Variants in NKAIN2 observed in about 807,000 individuals in gnomAD.
NKAIN2 encodes sodium/potassium-transporting ATPase subunit beta-1-interacting protein 2.
A neutral mutation model predicts 32.6 loss-of-function variants in NKAIN2; 14 were observed. The ratio of observed to expected loss-of-function variants is 0.43; its 90% CI spans 0.28 to 0.67. NKAIN2 has a LOEUF of 0.67. Ranked by LOEUF, NKAIN2 falls within the 30% of genes least tolerant of loss-of-function variation. The pLI, the probability that NKAIN2 is intolerant of heterozygous loss-of-function variation, is 0.17. For synonymous variants in NKAIN2, 80 were observed against 87.2 expected, an observed-to-expected ratio of 0.92 and a Z score of 0.46; for missense variants, 198 against 258.3, an observed-to-expected ratio of 0.77 and a Z score of 1.60.
At chr6:124,555,518 A>G (rs1780441712) in intron 3 of NKAIN2, among the ~76,000 whole-genome samples, 1 of 152,184 alleles carries the variant, frequency 6.6e-6, no homozygotes, top group Non-Finnish European at 1.5e-5. Flanking sequence ...TTAGAATATC[A>G]TGTTCCCTTA....
intron 1 of NKAIN2, among the ~76,000 whole-genome samples, chr6:124,277,773 AG>A (rs1185846846): frequency 5.9e-5 from 9 of 152,206 alleles, no homozygotes; most frequent in African/African-American, 2.2e-4. Flanking sequence ...AAGGGGGAAG[AG>A]GTACAGAGAG....
rs192924211 is a variant in NKAIN2, at chr6:124,589,387, C to A, written c.274-68799C>A. Among the ~76,000 whole-genome samples the A allele has an allele frequency of 2.4e-3, 360 of 152,246 alleles. 1 individual carries two copies. The highest frequency in any genetic ancestry group is 8.2e-3 in the African/African-American group (342 of 41,560). ...CCTCAATGGGAAGTACTCTAATATT[C>A]GTTAAATATTATATGACCTTCCTAA... On this transcript the variant is annotated intron_variant, in intron 3 of 6. Coordinates refer to ENST00000368417, the MANE Select transcript of NKAIN2 (RefSeq NM_001040214.3).
intron 1 of NKAIN2, among the ~76,000 whole-genome samples, chr6:123,979,581 T>C (rs113763552): frequency 1.1e-3 from 166 of 152,252 alleles, no homozygotes; most frequent in Middle Eastern, 3.4e-3. Flanking sequence ...ATTTATTTGG[T>C]TTTCGATTTA....
chr6:124,250,010 C>T (rs1314935327), intron 1 of NKAIN2, among the ~76,000 whole-genome samples: 4 of 152,034 alleles, frequency 2.6e-5, no homozygotes, highest in African/African-American at 9.7e-5. Context: ...ACCCAATCTC[C>T]AATGTGAGGA....
chr6:124,127,888 G>A (rs1034581307), intron 1 of NKAIN2, among the ~76,000 whole-genome samples: 4 of 151,928 alleles, frequency 2.6e-5, no homozygotes, highest in Admixed American at 6.6e-5. Flanking sequence ...AGTGCAGTGC[G>A]CGATCTTGGC....
chr6:124,578,342 G>A (rs199559632), intron 3 of NKAIN2, among the ~76,000 whole-genome samples: 2 of 148,930 alleles, frequency 1.3e-5, no homozygotes, highest in Non-Finnish European at 3.0e-5. Context: ...GCATCCTACT[G>A]TCCTGAAGGG....
intron 1 of NKAIN2, among the ~76,000 whole-genome samples, chr6:124,162,511 G>C (rs1788332923): frequency 6.6e-6 from 1 of 152,106 alleles, no homozygotes; most frequent in Non-Finnish European, 1.5e-5. Flanking sequence ...GCAGAGAATG[G>C]ATCAGAAATT....
At chr6:124,527,513 T>C (rs1779363982) in intron 3 of NKAIN2, among the ~76,000 whole-genome samples, 1 of 152,208 alleles carries the variant, frequency 6.6e-6, no homozygotes, top group Admixed American at 6.5e-5. Context: ...ACTTTCTTAT[T>C]GTGGGGGTCA....
chr6:124,571,686 G>A (rs962307613), intron 3 of NKAIN2, among the ~76,000 whole-genome samples: 5 of 152,084 alleles, frequency 3.3e-5, no homozygotes, highest in East Asian at 1.9e-4. Flanking sequence ...TCAGCAGCAC[G>A]AATACGGACT....
At chr6:124,093,480 C>T (rs1406562643) in intron 1 of NKAIN2, among the ~76,000 whole-genome samples, 1 of 152,084 alleles carries the variant, frequency 6.6e-6, no homozygotes, top group Admixed American at 6.6e-5. Context: ...AATGAAACAG[C>T]ACCTAGTACA....
At chr6:124,555,695 G>A (rs1583432658) in intron 3 of NKAIN2, among the ~76,000 whole-genome samples, 2 of 152,052 alleles carry the variant, frequency 1.3e-5, no homozygotes, top group East Asian at 1.9e-4. Context: ...TTGATTAGAA[G>A]ACAAATACAG....
At chr6:124,410,840 A>G (rs1203487437) in intron 3 of NKAIN2, among the ~76,000 whole-genome samples, 1 of 152,104 alleles carries the variant, frequency 6.6e-6, no homozygotes, top group Non-Finnish European at 1.5e-5. Flanking sequence ...GTTTCTTTGT[A>G]GTCACTCGGG....
chr6:123,907,012 C>A (rs1774912993), intron 1 of NKAIN2, among the ~76,000 whole-genome samples: 1 of 152,166 alleles, frequency 6.6e-6, no homozygotes, highest in Non-Finnish European at 1.5e-5. Flanking sequence ...TTGATTAATG[C>A]TAGTGGAGCT....
At chr6:123,851,829 A>G (rs80017141) in intron 1 of NKAIN2, among the ~76,000 whole-genome samples, 2,064 of 152,272 alleles carry the variant, frequency 0.014, 25 homozygotes, top group African/African-American at 0.036. Flanking sequence ...TATTTTGGAC[A>G]TTAATTGATT....
At chr6:124,700,795 C>A (rs1774740893) in intron 4 of NKAIN2, among the ~76,000 whole-genome samples, 1 of 151,644 alleles carries the variant, frequency 6.6e-6, no homozygotes, top group Non-Finnish European at 1.5e-5. Flanking sequence ...CCTCAGATAA[C>A]AGATTAGGGT....
intron 1 of NKAIN2, among the ~76,000 whole-genome samples, chr6:124,061,221 A>G (rs1782905836): frequency 6.6e-6 from 1 of 152,166 alleles, no homozygotes; most frequent in Non-Finnish European, 1.5e-5. Context: ...GATAAATAGG[A>G]GTACACCACC....
chr6:124,638,763 C>T (rs1178612792), intron 3 of NKAIN2, among the ~76,000 whole-genome samples: 3 of 151,620 alleles, frequency 2.0e-5, no homozygotes, highest in Non-Finnish European at 2.9e-5. Context: ...TGGTAGTGGA[C>T]GCCTGTAGTC....
intron 2 of NKAIN2, among the ~76,000 whole-genome samples, chr6:124,342,814 T>TTTTTTATTA (rs1181269834): frequency 8.2e-5 from 12 of 145,496 alleles, no homozygotes; most frequent in African/African-American, 2.3e-4. Flanking sequence ...CAGAAGATGT[T>TTTTTTATTA]TTATTATTAT....
chr6:124,103,957 G>T (rs1047214451), intron 1 of NKAIN2, among the ~76,000 whole-genome samples: 1 of 152,072 alleles, frequency 6.6e-6, no homozygotes, highest in African/African-American at 2.4e-5. Context: ...CATGGTGGCA[G>T]GAGCCTATAG....
Sources: allele counts gnomAD v4.1 joint callset (sites outside exome capture counted in the v4.1 genomes callset), GRCh38; gene constraint gnomAD v4.1.1; transcripts MANE v1.5; gene names NCBI Gene and HGNC (gene_info 2026-07-23, HGNC 2026-07-21).